SGMS1: variants seen among roughly 807,000 people sequenced by gnomAD.
The protein encoded by SGMS1 is sphingomyelin synthase 1.
In SGMS1, 13 loss-of-function variants were observed where a neutral mutation model predicts 46.2. The observed-to-expected ratio is 0.28, with a 90% CI of 0.18 to 0.45. SGMS1 has a LOEUF of 0.45. SGMS1 is among the 20% of genes least tolerant of loss of function. The pLI, the probability that SGMS1 is intolerant of heterozygous loss-of-function variation, is 1.00. For missense variants in SGMS1, 324 were observed against 519.9 expected, an observed-to-expected ratio of 0.62 and a Z score of 3.66; for synonymous variants, 203 against 187.8, an observed-to-expected ratio of 1.08 and a Z score of -0.66.
chr10:50,349,074 T>C (rs1479458504), intron 6 of SGMS1, among the ~76,000 whole-genome samples: 4 of 152,178 alleles, frequency 2.6e-5, no homozygotes, highest in Non-Finnish European at 5.9e-5. Context: ...CAAGCACATA[T>C]CTAACAAAGG....
At chr10:50,616,233 G>GC (rs1005993027) in intron 1 of SGMS1, among the ~76,000 whole-genome samples, 55 of 151,914 alleles carry the variant, frequency 3.6e-4, no homozygotes, top group African/African-American at 1.1e-3. Context: ...TCCCACATCA[G>GC]CCCCCCCGCC....
chr10:50,603,009 GT>G (rs1353895088), intron 1 of SGMS1, among the ~76,000 whole-genome samples: 1 of 152,160 alleles, frequency 6.6e-6, no homozygotes, highest in Non-Finnish European at 1.5e-5. Flanking sequence ...ACACAATGAG[GT>G]TCTCAGCCAG....
chr10:50,401,388 T>G (rs2133540838), intron 6 of SGMS1, among the ~76,000 whole-genome samples: 1 of 152,332 alleles, frequency 6.6e-6, no homozygotes, highest in East Asian at 1.9e-4. Context: ...GACATTTTAA[T>G]CTCCACTTGT....
At chr10:50,536,356 A>G (rs550607138) in intron 2 of SGMS1, among the ~76,000 whole-genome samples, 28 of 152,138 alleles carry the variant, frequency 1.8e-4, no homozygotes, top group Non-Finnish European at 5.9e-5. Flanking sequence ...AACAAACAAA[A>G]AAAACCCATT....
At chr10:50,384,152 A>G (rs1848647645) in intron 6 of SGMS1, among the ~76,000 whole-genome samples, 1 of 152,104 alleles carries the variant, frequency 6.6e-6, no homozygotes, top group Admixed American at 6.5e-5. Context: ...CACCCAGTCT[A>G]TGGTGTTTTG....
intron 6 of SGMS1, among the ~76,000 whole-genome samples, chr10:50,345,150 C>T (rs1847895568): frequency 6.6e-6 from 1 of 151,990 alleles, no homozygotes; most frequent in South Asian, 2.1e-4. Context: ...CAGTGAATCC[C>T]CTTTTCCATA....
chr10:50,415,624 T>C (rs1849159432), intron 6 of SGMS1, among the ~76,000 whole-genome samples: 1 of 152,150 alleles, frequency 6.6e-6, no homozygotes, highest in Non-Finnish European at 1.5e-5. Flanking sequence ...TATTTCATGG[T>C]ATTTCATGGT....
At chr10:50,372,983 C>T (rs11005387) in intron 6 of SGMS1, among the ~76,000 whole-genome samples, 2,385 of 152,164 alleles carry the variant, frequency 0.016, 30 homozygotes, top group Non-Finnish European at 0.026. Context: ...CACATTTGTA[C>T]AATGATAAAA....
intron 6 of SGMS1, among the ~76,000 whole-genome samples, chr10:50,410,336 T>C (rs1849079107): frequency 6.6e-6 from 1 of 152,118 alleles, no homozygotes; most frequent in Non-Finnish European, 1.5e-5. Flanking sequence ...TAGAGTGCAG[T>C]GTTATCTGGG....
chr10:50,341,103 C>T, intron 7 of SGMS1: 1 of 328,900 alleles, frequency 3.0e-6, no homozygotes, highest in African/African-American at 2.1e-5. Flanking sequence ...CTAAGAATAT[C>T]CCATAACCAG....
intron 6 of SGMS1, among the ~76,000 whole-genome samples, chr10:50,415,062 A>G (rs1295025600): frequency 1.3e-5 from 2 of 152,238 alleles, no homozygotes; most frequent in African/African-American, 2.4e-5. Flanking sequence ...CGGAGCTTGC[A>G]GTGAGCTGAG....
intron 2 of SGMS1, among the ~76,000 whole-genome samples, chr10:50,531,443 G>C (rs1470717859): frequency 1.3e-5 from 2 of 151,744 alleles, no homozygotes; most frequent in Non-Finnish European, 2.9e-5. Context: ...AGAGCATACT[G>C]TTCAATAAAC....
At chr10:50,621,582 C>A (rs1838850161) in intron 1 of SGMS1, among the ~76,000 whole-genome samples, 1 of 152,168 alleles carries the variant, frequency 6.6e-6, no homozygotes, top group East Asian at 1.9e-4. Context: ...AGACACTGTG[C>A]AAGATGCTAG....
chr10:50,594,919 A>T (rs907482034), intron 1 of SGMS1, among the ~76,000 whole-genome samples: 3 of 152,226 alleles, frequency 2.0e-5, no homozygotes, highest in African/African-American at 7.2e-5. Context: ...GAAACTGTTT[A>T]TTCCCATCTT....
chr10:50,480,348 C>T (rs1187995125), intron 3 of SGMS1, among the ~76,000 whole-genome samples: 1 of 151,962 alleles, frequency 6.6e-6, no homozygotes, highest in African/African-American at 2.4e-5. Flanking sequence ...TAAATAAATG[C>T]TTACTTGGTT....
At chr10:50,575,382 C>A (rs1838374959) in intron 2 of SGMS1, among the ~76,000 whole-genome samples, 1 of 151,914 alleles carries the variant, frequency 6.6e-6, no homozygotes, top group Admixed American at 6.6e-5. Flanking sequence ...AGCAAGACCC[C>A]ATCTCTATAA....
intron 6 of SGMS1, 83 bp from the exon 7 acceptor site, chr10:50,344,428 A>G: frequency 3.8e-6 from 1 of 261,888 alleles, no homozygotes; most frequent in Non-Finnish European, 7.3e-6. Flanking sequence ...ACATAAGGAA[A>G]GTAGAAAACC....
At chr10:50,615,572 C>T (rs1838789023) in intron 1 of SGMS1, among the ~76,000 whole-genome samples, 1 of 152,180 alleles carries the variant, frequency 6.6e-6, no homozygotes, top group Non-Finnish European at 1.5e-5. Flanking sequence ...GGGCTCTTCA[C>T]CACTGTACTA....
chr10:50,482,355 G>A (rs548858124), intron 3 of SGMS1, among the ~76,000 whole-genome samples: 1 of 152,284 alleles, frequency 6.6e-6, no homozygotes, highest in African/African-American at 2.4e-5. Flanking sequence ...GAAGAGATTG[G>A]GGGCCATTAT....
Sources: gnomAD v4.1 joint callset for allele counts (sites outside exome capture counted in the v4.1 genomes callset) on GRCh38, gnomAD v4.1.1 for gene constraint, MANE v1.5 for transcripts, NCBI Gene and HGNC (gene_info 2026-07-23, HGNC 2026-07-21) for gene names.